MYO5A: variants seen among roughly 807,000 people sequenced by gnomAD.
MYO5A encodes unconventional myosin-Va.
In MYO5A, 98 loss-of-function variants were observed where a neutral mutation model predicts 249.7. That is an observed-to-expected ratio of 0.39 (90% CI 0.33 to 0.46). The LOEUF (loss-of-function observed/expected upper bound fraction) is 0.46, where lower values mean the gene tolerates loss of function less well. MYO5A is among the 20% of genes least tolerant of loss of function. The pLI, the probability that MYO5A is intolerant of heterozygous loss-of-function variation, is 0.98. For synonymous variants in MYO5A, 778 were observed against 810.6 expected (o/e 0.96, Z 0.68); for missense variants, 1,696 against 2,308.8 (o/e 0.73, Z 5.44).
In MYO5A at chr15:52,340,238, G is replaced by A. The variant is rs755213566; in HGVS notation, c.4197C>T (p.Ala1399=). 6.2e-7 allele frequency: 1 copy of A among 1,614,110 alleles called. No individual in the cohort carries two copies. Among genetic ancestry groups the A allele is most frequent in the South Asian group, 1.1e-5 (1 of 91,076 alleles). Residue 1399 remains alanine, a synonymous_variant, in exon 32 of 42, where the codon GCC becomes GCT. Transcript: ENST00000399233. Reference sequence around the variant, plus strand: ...GCCGGGTGATCTCGTGCTGCAGGCTGGCCTCAATGCGGGCCTCTGGGGGCA... The same window carrying A: ...GCCGGGTGATCTCGTGCTGCAGGCTAGCCTCAATGCGGGCCTCTGGGGGCA... ...LQLPPEARIE[A]SLQHEITRLT...
rs541944394 is a variant in MYO5A at position 52,484,754 on chromosome 15, C to T, written c.27+44026G>A. ...CTACCTCCCAGGTTCAAGCAATTCT[C>T]CTGCCTTAGTCTCCGAGTAGCTGGG... On this transcript the variant is annotated intron_variant, in intron 1 of 41. Coordinates refer to ENST00000399233, the MANE Select transcript of MYO5A (RefSeq NM_001382347.1). 1.2e-4 allele frequency among the ~76,000 whole-genome samples: 18 copies of T among 152,300 alleles called. No homozygotes were observed. In the South Asian group the frequency reaches 2.5e-3, roughly 21 times the overall value.
chr15:52,418,619 A>G (rs2141260222), intron 4 of MYO5A, among the ~76,000 whole-genome samples: 1 of 152,252 alleles, frequency 6.6e-6, no homozygotes. Flanking sequence ...ACTCATATAT[A>G]TGATCATTAG....
chr15:52,436,221 C>T (rs1270233534), intron 1 of MYO5A, among the ~76,000 whole-genome samples: 2 of 152,204 alleles, frequency 1.3e-5, no homozygotes, highest in African/African-American at 4.8e-5. Context: ...TGAGCCACCA[C>T]ACCTGGCCTG....
intron 22 of MYO5A, among the ~76,000 whole-genome samples, chr15:52,368,032 T>C (rs984495381): frequency 1.3e-5 from 2 of 152,192 alleles, no homozygotes; most frequent in African/African-American, 4.8e-5. Flanking sequence ...TGGAATAAAG[T>C]GTGTGCTTAT....
At chr15:52,498,863 G>C (rs747945843) in intron 1 of MYO5A, among the ~76,000 whole-genome samples, 14 of 152,100 alleles carry the variant, frequency 9.2e-5, no homozygotes, top group Non-Finnish European at 1.5e-4. Flanking sequence ...AGATTATTAT[G>C]TGAATACTCA....
chr15:52,510,560 G>A (rs1043518326), intron 1 of MYO5A, among the ~76,000 whole-genome samples: 1 of 152,194 alleles, frequency 6.6e-6, no homozygotes, highest in Non-Finnish European at 1.5e-5. Flanking sequence ...AATACCACCT[G>A]AGCTCCGTCT....
intron 1 of MYO5A, among the ~76,000 whole-genome samples, chr15:52,515,793 G>C (rs2077484968): frequency 6.6e-6 from 1 of 152,166 alleles, no homozygotes; most frequent in South Asian, 2.1e-4. Flanking sequence ...TCAGCACAGG[G>C]CTGGCACCTG....
intron 30 of MYO5A, among the ~76,000 whole-genome samples, chr15:52,345,229 T>C (rs2039559188): frequency 6.6e-6 from 1 of 152,296 alleles, no homozygotes; most frequent in African/African-American, 2.4e-5. Context: ...ACTTGTAATA[T>C]GTAATCTCTA....
At position 52,310,048 on chromosome 15, in the gene MYO5A, A is replaced by C. The variant is rs1226957300; in HGVS notation, c.*3648T>G. The C allele has an allele frequency of 1.3e-5, 2 of 152,210 alleles. No individual in the cohort carries two copies. Among genetic ancestry groups the C allele is most frequent in the Non-Finnish European group, 2.9e-5 (2 of 68,032 alleles). 9.4% of individuals were successfully genotyped at this position (152,210 alleles called of 1,614,324 possible). Reference sequence around the variant, plus strand: ...GTAACCTTAGTAAAAGATTTGATCTATATTACACATAATTACTCACCCAGA... The same window carrying C: ...GTAACCTTAGTAAAAGATTTGATCTCTATTACACATAATTACTCACCCAGA... On this transcript the variant is annotated 3_prime_UTR_variant, in exon 42 of 42. Transcript: ENST00000399233.
intron 34 of MYO5A, among the ~76,000 whole-genome samples, chr15:52,332,954 A>G (rs374902339): frequency 2.6e-5 from 4 of 152,086 alleles, no homozygotes; most frequent in East Asian, 1.9e-4. Context: ...GATGAAAGCC[A>G]AACTCCATCT....
At chr15:52,496,779 T>A (rs1595792837) in intron 1 of MYO5A, among the ~76,000 whole-genome samples, 1 of 152,214 alleles carries the variant, frequency 6.6e-6, no homozygotes, top group Non-Finnish European at 1.5e-5. Context: ...CTATTCAATA[T>A]ACACTTTGAG....
At position 52,375,404 on chromosome 15, in the gene MYO5A, C is replaced by T. The variant is rs752461164; in HGVS notation, c.2477G>A (p.Arg826His). The change falls in exon 20 of 42, where the codon CGC becomes CAC. Residue 826 changes from arginine (R) to histidine (H), a missense_variant. Arg to His is a conservative substitution (Grantham distance 29, BLOSUM62 0). This residue lies in a region of MYO5A where 412 missense variants were observed against 453.3 expected (regional missense o/e 0.91). Transcript: ENST00000399233. ...KAATIIQKYW[R>H]MYVVRRRYKI... ...GTACCTCCTGCGGACCACATACATG[C>T]GCCAGTACTTTTGAATGATGGTTGC... 140 of 1,614,100 alleles carry T rather than the reference C, an allele frequency of 8.7e-5. No individual in the cohort carries two copies. In the East Asian group the frequency reaches 2.0e-3, roughly 23 times the overall value.
Position 52,389,277 on chromosome 15 carries a change from T to C in MYO5A, c.1629A>G (p.Leu543=), listed in dbSNP as rs747627747. 85 of 1,613,580 alleles carry C rather than the reference T, an allele frequency of 5.3e-5. No homozygotes were observed. The highest frequency in any genetic ancestry group is 1.7e-4 in the Middle Eastern group (1 of 6,052). The change falls in exon 13 of 42, where the codon CTA becomes CTG. Residue 543 remains leucine (L), a synonymous_variant. Coordinates refer to ENST00000399233, the MANE Select transcript of MYO5A (RefSeq NM_001382347.1). Reference sequence around the variant, plus strand: ...GTTGGATGATGAAAGCTTTGTTTGATAGACGAGGCTTTTCAAAGAGTGCAC... The same window carrying C: ...GTTGGATGATGAAAGCTTTGTTTGACAGACGAGGCTTTTCAAAGAGTGCAC... ...NKCALFEKPR[L]SNKAFIIQHF...
intron 36 of MYO5A, among the ~76,000 whole-genome samples, chr15:52,324,331 T>C (rs2038491168): frequency 6.6e-6 from 1 of 152,116 alleles, no homozygotes; most frequent in African/African-American, 2.4e-5. Context: ...GAGAGACTCA[T>C]TGTGCCTGAA....
intron 1 of MYO5A, among the ~76,000 whole-genome samples, chr15:52,502,351 C>A (rs1228381810): frequency 2.6e-5 from 4 of 152,146 alleles, no homozygotes; most frequent in African/African-American, 9.7e-5. Context: ...AAAATGGATT[C>A]TAATTAGATC....
At chr15:52,419,823 G>A (rs1055705402) in intron 4 of MYO5A, among the ~76,000 whole-genome samples, 17 of 152,112 alleles carry the variant, frequency 1.1e-4, no homozygotes, top group African/African-American at 3.9e-4. Context: ...AACTATATTT[G>A]TTTATAACTT....
rs2042109905 is a variant in MYO5A at position 52,389,383 on chromosome 15, G to A, written c.1543-20C>T. Reference sequence around the variant, plus strand: ...AGGCATCTATATTCATGGAAAAAAGGAAGAAAGAAAACAAGGTAAATACTG... The same window carrying A: ...AGGCATCTATATTCATGGAAAAAAGAAAGAAAGAAAACAAGGTAAATACTG... On this transcript the variant is annotated intron_variant, in intron 12 of 41. Coordinates refer to ENST00000399233, the MANE Select transcript of MYO5A (RefSeq NM_001382347.1). 5 of 1,606,744 alleles carry A rather than the reference G, an allele frequency of 3.1e-6. No individual in the cohort carries two copies. Among genetic ancestry groups the A allele is most frequent in the Middle Eastern group, 1.7e-4 (1 of 6,036 alleles).
intron 1 of MYO5A, among the ~76,000 whole-genome samples, chr15:52,438,533 A>G (rs139159762): frequency 6.6e-6 from 1 of 152,362 alleles, no homozygotes; most frequent in Non-Finnish European, 1.5e-5. Flanking sequence ...CAGACTAAGA[A>G]TCCCTAAGCC....
intron 1 of MYO5A, among the ~76,000 whole-genome samples, chr15:52,513,749 T>C (rs929298470): frequency 1.3e-5 from 2 of 152,178 alleles, no homozygotes; most frequent in African/African-American, 2.4e-5. Context: ...GTTAATTCTA[T>C]AGCCAATAAC....
Sources: allele counts gnomAD v4.1 joint callset (sites outside exome capture counted in the v4.1 genomes callset), GRCh38; gene constraint gnomAD v4.1.1; regional missense constraint gnomAD v4.1.1; transcripts MANE v1.5; gene names NCBI Gene and HGNC (gene_info 2026-07-23, HGNC 2026-07-21).